The following TARS2 variants were observed in gnomAD, a reference collection of about 807,000 sequenced individuals.
TARS2 encodes the protein threonine--tRNA ligase, mitochondrial.
TARS2 carries 61 observed loss-of-function variants against 94.4 expected under a neutral mutation model. That is an observed-to-expected ratio of 0.65 (90% CI 0.53 to 0.80). The LOEUF is 0.80. Ranked by LOEUF, TARS2 falls within the 30% of genes least tolerant of loss-of-function variation. TARS2 has a pLI of 0.00. For missense variants in TARS2, 704 were observed against 902.5 expected (o/e 0.78, Z 2.82); for synonymous variants, 359 against 353.4 (o/e 1.02, Z -0.18).
In TARS2 at chr1:150,496,672, G is replaced by C. The variant is rs1240511969; in HGVS notation, c.921+44G>C. The C allele has an allele frequency of 1.9e-6, 3 of 1,602,628 alleles. No individual in the cohort carries two copies. In the Admixed American group the frequency reaches 5.0e-5, roughly 27 times the overall value. On this transcript the variant is annotated intron_variant, in intron 8 of 17. Transcript: ENST00000369064. ...TAGGGAGGGATGGTGATAAGGGTTGGAGAGAGATGACAGAACCTGATTATG... is the reference window on the plus strand; with the variant it reads ...TAGGGAGGGATGGTGATAAGGGTTGCAGAGAGATGACAGAACCTGATTATG...
chr1:150,503,549 G>GTA (rs1457001608), intron 13 of TARS2, among the ~76,000 whole-genome samples: 1 of 78,504 alleles, frequency 1.3e-5, no homozygotes, highest in Non-Finnish European at 2.8e-5. Context: ...ACACATATGT[G>GTA]TGTGTGTGTG....
rs1669218643 is a variant in TARS2 at position 150,487,882 on chromosome 1, T to A, written c.91T>A (p.Trp31Arg). 2 of 1,613,186 alleles carry A rather than the reference T, an allele frequency of 1.2e-6. No individual in the cohort carries two copies. Among genetic ancestry groups the A allele is most frequent in the African/African-American group, 2.7e-5 (2 of 74,890 alleles). ...HTAVVSTPPRWLAERLGLFEE... is the reference protein window; with the variant it reads ...HTAVVSTPPRRLAERLGLFEE... Reference sequence around the variant, plus strand: ...GGCAGTTGTGTCGACCCCTCCACGCTGGTTGGCAGAGCGGCTTGGCCTTTT... The same window carrying A: ...GGCAGTTGTGTCGACCCCTCCACGCAGGTTGGCAGAGCGGCTTGGCCTTTT... The change falls in exon 2 of 18, where the codon TGG becomes AGG. Residue 31 changes from tryptophan (W) to arginine (R), a missense_variant. Physicochemically the swap from Trp to Arg is moderately radical, Grantham distance 101. Coordinates refer to ENST00000369064, the MANE Select transcript of TARS2 (RefSeq NM_025150.5).
At chr1:150,503,585 A>ATATATGTGTG (rs1461714331) in intron 13 of TARS2, among the ~76,000 whole-genome samples, 100 of 137,170 alleles carry the variant, frequency 7.3e-4, no homozygotes, top group African/African-American at 2.7e-3. Flanking sequence ...GTGTATATAT[A>ATATATGTGTG]TGTGTGTGTG....
chr1:150,503,633 G>GTGTGTGTATATATGTGTGTATATA (rs200224131), intron 13 of TARS2, among the ~76,000 whole-genome samples: 4 of 89,204 alleles, frequency 4.5e-5, no homozygotes, highest in African/African-American at 1.1e-4. Context: ...GTGTATATAT[G>GTGTGTGTATATATGTGTGTATATA]TGTGTGTATA....
chr1:150,489,116 T>C, intron 3 of TARS2, 29 bp downstream of exon 3: 1 of 1,613,758 alleles, frequency 6.2e-7, no homozygotes, highest in Non-Finnish European at 8.5e-7. Context: ...AGGAATACAG[T>C]GACTACTAAA....
chr1:150,504,863 G>A, intron 15 of TARS2, 43 bp from the exon 16 acceptor site: 1 of 1,613,096 alleles, frequency 6.2e-7, no homozygotes, highest in Non-Finnish European at 8.5e-7. Context: ...TCTGGCCAGA[G>A]CCAGAGTGAC....
Position 150,487,507 on chromosome 1 carries a change from G to A in TARS2, c.57G>A (p.Arg19=), listed in dbSNP as rs773331553. 1.2e-6 allele frequency: 2 copies of A among 1,614,096 alleles called. No individual in the cohort carries two copies. The highest frequency in any genetic ancestry group is 1.3e-5 in the African/African-American group (1 of 74,938). Residue 19 remains arginine, a synonymous_variant, in exon 1 of 18, where the codon AGG becomes AGA. Coordinates refer to ENST00000369064, the MANE Select transcript of TARS2 (RefSeq NM_025150.5). ...CLRLQGLQAC[R]LHTAVVSTPP... ...GGCTCCAAGGTTTACAGGCTTGCAG[G>A]CTACACACGGTGCGTGAGGCACCCC... is the stretch of plus-strand genomic sequence containing the variant.
At chr1:150,503,575 G>GTATATATA (rs1182556922) in intron 13 of TARS2, among the ~76,000 whole-genome samples, 1 of 138,024 alleles carries the variant, frequency 7.2e-6, no homozygotes, top group African/African-American at 3.0e-5. Flanking sequence ...GTGTGTGTGT[G>GTATATATA]TGTATATATA....
At chr1:150,506,453 A>G (rs865835675) in intron 17 of TARS2, among the ~76,000 whole-genome samples, 11 of 148,402 alleles carry the variant, frequency 7.4e-5, no homozygotes, top group Admixed American at 1.4e-4. Context: ...GCCACCTTCC[A>G]CTTGCTCTAA....
At chr1:150,488,845 C>A in intron 2 of TARS2, 119 bp from the exon 3 acceptor site, 1 of 1,428,178 alleles carries the variant, frequency 7.0e-7, no homozygotes, top group Non-Finnish European at 9.4e-7. Flanking sequence ...TCACTCTATT[C>A]TCTACCACTG....
chr1:150,501,145 A>G (rs1285211053), intron 13 of TARS2, among the ~76,000 whole-genome samples: 2 of 151,722 alleles, frequency 1.3e-5, no homozygotes, highest in African/African-American at 2.4e-5. Flanking sequence ...AGGGGGCTGA[A>G]GATATGAAGA....
chr1:150,503,585 A>ATATGTGTGTG (rs1461714331), intron 13 of TARS2, among the ~76,000 whole-genome samples: 2,623 of 137,140 alleles, frequency 0.019, 95 homozygotes, highest in Admixed American at 0.065. Flanking sequence ...GTGTATATAT[A>ATATGTGTGTG]TGTGTGTGTG....
At chr1:150,487,784 A>G (rs1029844338) in intron 1 of TARS2, 74 bp from the exon 2 acceptor site, 1 of 1,554,646 alleles carries the variant, frequency 6.4e-7, no homozygotes, top group Non-Finnish European at 8.7e-7. Flanking sequence ...TAACCATCCC[A>G]AAGTGCCATC....
At chr1:150,489,173 G>A (rs763145843) in intron 3 of TARS2, 86 bp downstream of exon 3, 95 of 1,595,834 alleles carry the variant, frequency 6.0e-5, no homozygotes, top group African/African-American at 3.0e-4. Context: ...TTCTTTTGCC[G>A]CAGTTTCTCC....
chr1:150,491,881 G>A (rs1408770888), intron 6 of TARS2: 9 of 495,706 alleles, frequency 1.8e-5, no homozygotes, highest in Admixed American at 3.3e-5. Flanking sequence ...TGCAACCTCC[G>A]CCTCCTGGGT....
chr1:150,500,314 G>A (rs1403138921), intron 13 of TARS2, among the ~76,000 whole-genome samples: 2 of 152,342 alleles, frequency 1.3e-5, no homozygotes, highest in East Asian at 3.9e-4. Context: ...AATGAGGCCT[G>A]TGTGGTGGCT....
At chr1:150,506,574 GACACACAC>G (rs59687878) in intron 17 of TARS2, among the ~76,000 whole-genome samples, 23 of 109,152 alleles carry the variant, frequency 2.1e-4, no homozygotes, top group African/African-American at 3.5e-4. Context: ...TAATGTCTCT[GACACACAC>G]ACACACACAC....
At chr1:150,494,527 C>T (rs146082411) in intron 7 of TARS2, among the ~76,000 whole-genome samples, 3,917 of 150,700 alleles carry the variant, frequency 0.026, 170 homozygotes, top group African/African-American at 0.09. Context: ...ATCACTTGAG[C>T]TCAGGAGTTC....
At chr1:150,506,894 C>A (rs775753722) in intron 17 of TARS2, 22 bp from the exon 18 acceptor site, 3 of 1,613,206 alleles carry the variant, frequency 1.9e-6, no homozygotes, top group Non-Finnish European at 1.7e-6. Context: ...CCCTGAGGTT[C>A]CCAAACTTCC....
Sources: gnomAD v4.1 joint callset for allele counts (sites outside exome capture counted in the v4.1 genomes callset) on GRCh38, gnomAD v4.1.1 for gene constraint, MANE v1.5 for transcripts, NCBI Gene and HGNC (gene_info 2026-07-23, HGNC 2026-07-21) for gene names.